Variants in CENPF observed in about 807,000 individuals in gnomAD.
The protein encoded by CENPF is AH antigen.
A neutral mutation model predicts 307.3 loss-of-function variants in CENPF; 214 were observed. That is an observed-to-expected ratio of 0.70 (90% confidence interval 0.62 to 0.78). The LOEUF is 0.78. CENPF is among the 30% of genes least tolerant of loss of function. The pLI is 0.00. For synonymous variants in CENPF, 1,259 were observed against 1,270.6 expected (o/e 0.99, Z 0.19); for missense variants, 3,401 against 3,483.9 (o/e 0.98, Z 0.60).
chr1:214,652,934 T>C lies in CENPF; in HGVS notation c.8267T>C (p.Leu2756Pro), dbSNP rs769492757. 16 of 1,607,780 alleles carry C rather than the reference T, an allele frequency of 1.0e-5. No individual in the cohort carries two copies. Among genetic ancestry groups the C allele is most frequent in the Non-Finnish European group, 1.4e-5 (16 of 1,178,122 alleles). The change falls in exon 16 of 20, where the codon CTC becomes CCC. Residue 2756 changes from leucine to proline, a missense_variant. Coordinates refer to ENST00000366955, the MANE Select transcript of CENPF (RefSeq NM_016343.4). Reference protein sequence around the residue: ...IDLLKSSKEELNNSLKATTQI... With the variant: ...IDLLKSSKEEPNNSLKATTQI... Reference sequence around the variant, plus strand: ...CTTTTAAAGTCTAGTAAAGAAGAGCTCAATAATTCATTGAAAGCTACTACT... The same window carrying C: ...CTTTTAAAGTCTAGTAAAGAAGAGCCCAATAATTCATTGAAAGCTACTACT...
In CENPF at chr1:214,647,006, A is replaced by G. The variant is rs1474571747; in HGVS notation, c.7436A>G (p.Glu2479Gly). Reference protein sequence around the residue: ...QNLSSQVECLELEKAQLLQGL... With the variant: ...QNLSSQVECLGLEKAQLLQGL... ...CTTAGTAGTCAAGTAGAGTGTCTTG[A>G]ACTTGAGAAGGCTCAGTTGCTACAA... The change falls in exon 13 of 20, where the codon GAA becomes GGA. Residue 2479 changes from glutamate (E) to glycine (G), a missense_variant. Glu to Gly is a moderately conservative substitution (Grantham distance 98, BLOSUM62 -2). Transcript: ENST00000366955. 1 of 1,613,994 alleles carries G rather than the reference A, an allele frequency of 6.2e-7. No homozygotes were observed. The highest frequency in any genetic ancestry group is 1.7e-5 in the Admixed American group (1 of 59,988).
At chr1:214,660,544 T>C (rs1658763286) in intron 19 of CENPF, among the ~76,000 whole-genome samples, 1 of 152,250 alleles carries the variant, frequency 6.6e-6, no homozygotes, top group Non-Finnish European at 1.5e-5. Flanking sequence ...TGTCCAAAGC[T>C]GTCAACTACA....
chr1:214,644,856 C>A lies in CENPF; in HGVS notation c.5286C>A (p.Phe1762Leu). ...CTAATGCTTTGGTACCTATGGATTT[C>A]CTGGGGAATCAGGAAGATATCCATA... ...SGPNALVPMD[F>L]LGNQEDIHNL... Residue 1762 changes from phenylalanine to leucine, a missense_variant, in exon 13 of 20, where the codon TTC (phenylalanine) becomes TTA (leucine). Phe to Leu is a conservative substitution (Grantham distance 22). Coordinates refer to ENST00000366955, the MANE Select transcript of CENPF (RefSeq NM_016343.4). The A allele has an allele frequency of 6.2e-7, 1 of 1,613,968 alleles. No individual in the cohort carries two copies. Among genetic ancestry groups the A allele is most frequent in the Non-Finnish European group, 8.5e-7 (1 of 1,179,982 alleles).
intron 19 of CENPF, among the ~76,000 whole-genome samples, chr1:214,661,660 T>C (rs1156413557): frequency 6.6e-6 from 1 of 152,204 alleles, no homozygotes; most frequent in Non-Finnish European, 1.5e-5. Flanking sequence ...AGACAGCGCT[T>C]GTAGACCTGA....
At chr1:214,643,688 T>TATG (rs60981125) in intron 12 of CENPF, among the ~76,000 whole-genome samples, 10,917 of 152,218 alleles carry the variant, frequency 0.072, 464 homozygotes, top group South Asian at 0.14. Context: ...CAAATGGTAA[T>TATG]ATGTAAATTT....
chr1:214,663,804 G>T lies in CENPF; in HGVS notation c.*10G>T, dbSNP rs186883841. ...CTGTAAGGTCCAGTGAAGGCACTTT[G>T]TGTGTCAGTACCCCTGGGAGGTGCC... On this transcript the variant is annotated 3_prime_UTR_variant, in exon 20 of 20. Transcript: ENST00000366955. The T allele has an allele frequency of 7.5e-6, 12 of 1,610,160 alleles. No individual in the cohort carries two copies. The East Asian group carries it at 2.2e-4, about 30-fold the overall frequency.
rs188733064 is a variant in CENPF at position 214,617,678 on chromosome 1, A to G, written c.360-895A>G. On this transcript the variant is annotated intron_variant, in intron 3 of 19. Transcript: ENST00000366955. ...ATTTAATTTTTATATCTGTGTTTTA[A>G]AAATGTCATATAATATATGATCTGT... 9.5e-4 allele frequency among the ~76,000 whole-genome samples: 144 copies of G among 152,292 alleles called. 1 individual carries two copies. The highest frequency in any genetic ancestry group is 1.7e-3 in the Non-Finnish European group (116 of 68,030).
intron 17 of CENPF, among the ~76,000 whole-genome samples, chr1:214,656,536 G>A (rs1446187500): frequency 6.6e-6 from 1 of 152,182 alleles, no homozygotes; most frequent in African/African-American, 2.4e-5. Context: ...CCATACAACA[G>A]AAGCTTCATA....
At chr1:214,661,918 A>G (rs1658797374) in intron 19 of CENPF, among the ~76,000 whole-genome samples, 1 of 151,286 alleles carries the variant, frequency 6.6e-6, no homozygotes, top group South Asian at 2.1e-4. Context: ...AGGATGTACT[A>G]TCTTAATAGA....
At chr1:214,649,947 T>A (rs1010671817) in intron 14 of CENPF, among the ~76,000 whole-genome samples, 3 of 152,256 alleles carry the variant, frequency 2.0e-5, no homozygotes, top group African/African-American at 7.2e-5. Context: ...ACCATACCTA[T>A]CCTGTGTTTC....
chr1:214,619,226 T>C lies in CENPF; in HGVS notation c.573+6T>C. 1 of 1,365,760 alleles carries C rather than the reference T, an allele frequency of 7.3e-7. No homozygotes were observed. The highest frequency in any genetic ancestry group is 1.0e-6 in the Non-Finnish European group (1 of 963,766). The allele number at this position is 1,365,760 out of a possible 1,614,324, so 84.6% of individuals were successfully genotyped here. A position where few individuals can be genotyped will look rare whatever the true frequency, so the allele number is the denominator to read the frequency against. ...TTAAAGCCTTGCAGGCTAAAGTAAG[T>C]TAATTATGGGCCCTATAATAGAGTA... On this transcript the variant is annotated splice_donor_region_variant and intron_variant, in intron 5 of 19. Coordinates refer to ENST00000366955, the MANE Select transcript of CENPF (RefSeq NM_016343.4).
intron 1 of CENPF, chr1:214,613,443 C>A: frequency 5.0e-6 from 1 of 202,016 alleles, no homozygotes; most frequent in Non-Finnish European, 9.9e-6. Context: ...AAAAACTGAG[C>A]AATAGAAAGC....
At position 214,622,343 on chromosome 1, in the gene CENPF, G is replaced by T. The variant is rs966556732; in HGVS notation, c.1068+62G>T. On this transcript the variant is annotated intron_variant, in intron 7 of 19. Transcript: ENST00000366955. ...ATCTTTTCATACAATTATTTAGAAA[G>T]AGTATTTTATACATAAGTTTATGAA... The T allele has an allele frequency of 2.3e-4, 303 of 1,327,456 alleles. 1 individual carries two copies. Among genetic ancestry groups the T allele is most frequent in the Non-Finnish European group, 2.1e-4 (202 of 951,224 alleles). 82.2% of individuals were successfully genotyped at this position (1,327,456 alleles called of 1,614,324 possible).
In CENPF at chr1:214,614,815, T is replaced by C; in HGVS notation, c.163-17T>C. On this transcript the variant is annotated splice_polypyrimidine_tract_variant and intron_variant, in intron 2 of 19. Coordinates refer to ENST00000366955, the MANE Select transcript of CENPF (RefSeq NM_016343.4). ...ACAAAATAAGGGAGTTATTGTCTTC[T>C]GAACAATTCTCATTAGGTTGAAAAT... 6.5e-7 allele frequency: 1 copy of C among 1,526,910 alleles called. No individual in the cohort carries two copies. Among genetic ancestry groups the C allele is most frequent in the South Asian group, 1.3e-5 (1 of 78,664 alleles). The allele number at this position is 1,526,910 out of a possible 1,614,324, so 94.6% of individuals were successfully genotyped here.
At position 214,642,030 on chromosome 1, in the gene CENPF, A is replaced by G. The variant is rs747905511; in HGVS notation, c.3692A>G (p.Lys1231Arg). 1 of 1,611,262 alleles carries G rather than the reference A, an allele frequency of 6.2e-7. No individual in the cohort carries two copies. ...ELKLQESEKE[K>R]ECLQHELQTI... ...AAACTTCAGGAAAGTGAGAAGGAGA[A>G]GGAGTGCCTGCAGCATGAATTACAG... Residue 1231 changes from lysine (K) to arginine (R), a missense_variant, in exon 12 of 20, where the codon AAG becomes AGG. By Grantham distance (26) the Lys-to-Arg change is conservative (BLOSUM62 2). Transcript: ENST00000366955.
chr1:214,623,080 G>T (rs552496644), intron 7 of CENPF, among the ~76,000 whole-genome samples: 77 of 152,218 alleles, frequency 5.1e-4, no homozygotes, highest in Middle Eastern at 6.8e-3. Flanking sequence ...GTGTGGTGGT[G>T]CACACCTGTA....
chr1:214,620,992 A>T (rs774390346), intron 6 of CENPF, 46 bp downstream of exon 6: 2 of 1,524,848 alleles, frequency 1.3e-6, no homozygotes, highest in Admixed American at 2.0e-5. Context: ...GCTTGAGGTA[A>T]TTTCACAGGT....
In CENPF at chr1:214,656,980, G is replaced by A. The variant is rs753266607; in HGVS notation, c.8533G>A (p.Glu2845Lys). 2 of 1,612,920 alleles carry A rather than the reference G, an allele frequency of 1.2e-6. No individual in the cohort carries two copies. The highest frequency in any genetic ancestry group is 1.6e-4 in the Middle Eastern group (1 of 6,074). The part of the protein sequence containing the change: ...KVDELTTEIK[E>K]LKETLEEKTK... ...CGATGAATTAACAACTGAGATCAAA[G>A]AACTGAAAGAAACTCTTGAAGAAAA... The change falls in exon 18 of 20, where the codon GAA becomes AAA. Residue 2845 changes from glutamate to lysine, a missense_variant. Transcript: ENST00000366955.
At chr1:214,617,631 C>G (rs374592257) in intron 3 of CENPF, among the ~76,000 whole-genome samples, 1 of 152,062 alleles carries the variant, frequency 6.6e-6, no homozygotes, top group East Asian at 1.9e-4. Context: ...CCAGCCATAT[C>G]TTTTCTAGAT....
Sources: allele counts gnomAD v4.1 joint callset (sites outside exome capture counted in the v4.1 genomes callset), GRCh38; gene constraint gnomAD v4.1.1; transcripts MANE v1.5; gene names NCBI Gene and HGNC (gene_info 2026-07-23, HGNC 2026-07-21).